Variants in CA10 observed in about 807,000 individuals in gnomAD.
CA10 encodes the protein carbonic anhydrase 10 (inactive).
A neutral mutation model predicts 44.2 loss-of-function variants in CA10; 14 were observed. That is an observed-to-expected ratio of 0.32 (90% CI 0.21 to 0.50). CA10 has a LOEUF of 0.50. CA10 is among the 20% of genes least tolerant of loss of function. The probability of loss-of-function intolerance (pLI) is 0.99; values close to 1 mark genes in which losing one functional copy is unlikely to be tolerated. For missense variants in CA10, 350 were observed against 409.7 expected, an observed-to-expected ratio of 0.85 and a Z score of 1.26; for synonymous variants, 159 against 141.6, an observed-to-expected ratio of 1.12 and a Z score of -0.87.
Position 51,757,577 on chromosome 17 carries a change from A to G in CA10, c.280-9759T>C, listed in dbSNP as rs116302211. Among the ~76,000 whole-genome samples, 372 of 152,304 alleles carry G rather than the reference A, an allele frequency of 2.4e-3. 2 individuals carry two copies. The highest frequency in any genetic ancestry group is 8.5e-3 in the African/African-American group (354 of 41,556). ...TCTTGCTTTTCCTTTAAATTATCTT[A>G]TGCTGAGGGTACCTAAGAATACTGA... On this transcript the variant is annotated intron_variant, in intron 3 of 8. Transcript: ENST00000451037.
chr17:51,785,590 T>C (rs1906238889), intron 3 of CA10, among the ~76,000 whole-genome samples: 1 of 152,188 alleles, frequency 6.6e-6, no homozygotes, highest in African/African-American at 2.4e-5. Context: ...GTACAACTAC[T>C]ATGGAGAACA....
chr17:51,978,053 C>T (rs932512727), intron 2 of CA10, among the ~76,000 whole-genome samples: 1 of 151,982 alleles, frequency 6.6e-6, no homozygotes, highest in African/African-American at 2.4e-5. Flanking sequence ...ATATACCATG[C>T]TTAGGGTTTG....
intron 1 of CA10, among the ~76,000 whole-genome samples, chr17:52,126,274 A>G (rs1989117328): frequency 6.6e-6 from 1 of 152,236 alleles, no homozygotes; most frequent in Non-Finnish European, 1.5e-5. Context: ...AGGCTCACAT[A>G]TGAAAGAATA....
chr17:52,005,288 C>T lies in CA10; in HGVS notation c.136+67031G>A, dbSNP rs185457135. On this transcript the variant is annotated intron_variant, in intron 2 of 8. Transcript: ENST00000451037. ...AACACAACACCCCATTATGCTTCCA[C>T]ATTACTGTTGTGACATTATTGTGAA... 7.4e-4 allele frequency among the ~76,000 whole-genome samples: 113 copies of T among 152,054 alleles called. No individual in the cohort carries two copies. In the Middle Eastern group the frequency reaches 0.01, roughly 14 times the overall value.
At chr17:51,663,778 T>C (rs916831454) in intron 4 of CA10, among the ~76,000 whole-genome samples, 1 of 152,164 alleles carries the variant, frequency 6.6e-6, no homozygotes, top group African/African-American at 2.4e-5. Context: ...AATGATGAAG[T>C]GACGTGTTAA....
chr17:51,904,606 A>T (rs965480858), intron 3 of CA10, among the ~76,000 whole-genome samples: 1 of 152,078 alleles, frequency 6.6e-6, no homozygotes, highest in African/African-American at 2.4e-5. Flanking sequence ...AGGACAAAAA[A>T]CTCACAATAA....
chr17:51,701,499 G>A (rs1056734174), intron 4 of CA10, among the ~76,000 whole-genome samples: 2 of 151,848 alleles, frequency 1.3e-5, no homozygotes, highest in East Asian at 3.9e-4. Context: ...TTTTTTTTAT[G>A]TTTCTTGTTT....
intron 6 of CA10, among the ~76,000 whole-genome samples, chr17:51,644,532 C>T (rs1445657369): frequency 1.3e-5 from 2 of 152,098 alleles, no homozygotes; most frequent in South Asian, 2.1e-4. Context: ...TTCAGTTCTC[C>T]CTCCTGAAAT....
rs1567735891 is a variant in CA10 at position 52,108,197 on chromosome 17, TATATATATATA to T, written c.62-35815_62-35805del. On this transcript the variant is annotated intron_variant, in intron 1 of 8. Transcript: ENST00000451037. Reference sequence around the variant, plus strand: ...TATATTTTTATATATATATTTTTTATATATATATATATATATATATATATATATAATATGTA... The same window carrying T: ...TATATTTTTATATATATATTTTTTATTATATATATATATATATAATATGTA... 3.1e-4 allele frequency among the ~76,000 whole-genome samples: 6 copies of T among 19,444 alleles called. No individual in the cohort carries two copies. The African/African-American group carries it at 9.0e-3, about 29-fold the overall frequency. 12.8% of individuals were successfully genotyped at this position (19,444 alleles called of 152,430 possible).
intron 3 of CA10, among the ~76,000 whole-genome samples, chr17:51,807,262 C>T (rs771634570): frequency 2.0e-5 from 3 of 152,098 alleles, no homozygotes; most frequent in South Asian, 4.1e-4. Context: ...CATTTGCTTT[C>T]GCTGCTTTAT....
intron 3 of CA10, 131 bp from the exon 4 acceptor site, chr17:51,747,949 T>A: frequency 1.5e-6 from 1 of 661,396 alleles, no homozygotes; most frequent in Non-Finnish European, 2.6e-6. Flanking sequence ...ACATGTGGAG[T>A]AGGGCGTGGC....
chr17:51,644,495 G>GAA, intron 6 of CA10, among the ~76,000 whole-genome samples: 1 of 152,208 alleles, frequency 6.6e-6, no homozygotes, highest in Non-Finnish European at 1.5e-5. Context: ...ACGCCATCTG[G>GAA]ATGCCAACGT....
At chr17:52,120,795 T>C (rs1989000016) in intron 1 of CA10, among the ~76,000 whole-genome samples, 1 of 152,094 alleles carries the variant, frequency 6.6e-6, no homozygotes, top group African/African-American at 2.4e-5. Flanking sequence ...TGGTATTCGA[T>C]CTGTGAGGTG....
intron 6 of CA10, among the ~76,000 whole-genome samples, chr17:51,636,587 C>T (rs1307783022): frequency 6.6e-6 from 1 of 152,084 alleles, no homozygotes; most frequent in Non-Finnish European, 1.5e-5. Flanking sequence ...GATTCTAGTC[C>T]CTGAGATCTG....
intron 2 of CA10, among the ~76,000 whole-genome samples, chr17:51,933,378 AGAT>A (rs1982740425): frequency 6.6e-6 from 1 of 152,060 alleles, no homozygotes; most frequent in Non-Finnish European, 1.5e-5. Context: ...CCAGGAGAGA[AGAT>A]AATACTCTGC....
chr17:51,759,203 A>G (rs888410014), intron 3 of CA10, among the ~76,000 whole-genome samples: 3 of 151,634 alleles, frequency 2.0e-5, no homozygotes, highest in African/African-American at 7.3e-5. Context: ...TGCCAACTGG[A>G]TAAAGTTATT....
chr17:52,029,395 A>G (rs189589803), intron 2 of CA10, among the ~76,000 whole-genome samples: 54 of 152,274 alleles, frequency 3.5e-4, no homozygotes, highest in African/African-American at 1.3e-3. Context: ...TTCTAGAGCA[A>G]ACACACTGAT....
chr17:51,643,537 G>C (rs1490528159), intron 6 of CA10, among the ~76,000 whole-genome samples: 1 of 152,092 alleles, frequency 6.6e-6, no homozygotes, highest in Non-Finnish European at 1.5e-5. Context: ...GTCCCAGTTA[G>C]AGTGTTTTAT....
chr17:52,149,328 C>A (rs1297879246), intron 1 of CA10, among the ~76,000 whole-genome samples: 1 of 152,202 alleles, frequency 6.6e-6, no homozygotes, highest in Non-Finnish European at 1.5e-5. Context: ...CCACTTCTCC[C>A]AGATCAGTAG....
Sources: gnomAD v4.1 joint callset for allele counts (sites outside exome capture counted in the v4.1 genomes callset) on GRCh38, gnomAD v4.1.1 for gene constraint, MANE v1.5 for transcripts, NCBI Gene and HGNC (gene_info 2026-07-23, HGNC 2026-07-21) for gene names.